The following FBXO33 variants were observed in gnomAD, a reference collection of about 807,000 sequenced individuals.
The protein encoded by FBXO33 is F-box protein 33, also known as F-box only protein 33.
A neutral mutation model predicts 46.3 loss-of-function variants in FBXO33; 22 were observed. The ratio of observed to expected loss-of-function variants is 0.48; its 90% confidence interval spans 0.34 to 0.68. The LOEUF (loss-of-function observed/expected upper bound fraction) is 0.68, where lower values mean the gene tolerates loss of function less well. Ranked by LOEUF, FBXO33 falls within the 30% of genes least tolerant of loss-of-function variation. The probability of loss-of-function intolerance (pLI) is 0.01; values close to 1 mark genes in which losing one functional copy is unlikely to be tolerated. For missense variants in FBXO33, 692 were observed against 708.8 expected, an observed-to-expected ratio of 0.98 and a Z score of 0.27; for synonymous variants, 337 against 291.3, an observed-to-expected ratio of 1.16 and a Z score of -1.60.
chr14:39,411,369 G>A (rs1423423353), intron 1 of FBXO33, among the ~76,000 whole-genome samples: 1 of 152,110 alleles, frequency 6.6e-6, no homozygotes, highest in South Asian at 2.1e-4. Context: ...TGGGCTTACA[G>A]GTGTGAGCCA....
intron 1 of FBXO33, among the ~76,000 whole-genome samples, chr14:39,407,441 T>G (rs2075404198): frequency 6.6e-6 from 1 of 152,240 alleles, no homozygotes; most frequent in South Asian, 2.1e-4. Context: ...ACTCATTGAT[T>G]AACAGTTTTC....
intron 1 of FBXO33, among the ~76,000 whole-genome samples, chr14:39,411,482 T>G (rs1196571670): frequency 6.6e-6 from 1 of 152,002 alleles, no homozygotes; most frequent in Non-Finnish European, 1.5e-5. Flanking sequence ...TGGTAAGTTG[T>G]TTTTTATTTT....
chr14:39,407,452 C>T (rs764763605), intron 1 of FBXO33, among the ~76,000 whole-genome samples: 2 of 152,174 alleles, frequency 1.3e-5, no homozygotes, highest in African/African-American at 2.4e-5. Flanking sequence ...AACAGTTTTC[C>T]ATTTTTCCCT....
chr14:39,416,545 T>C (rs10139591), intron 1 of FBXO33, among the ~76,000 whole-genome samples: 1,646 of 152,266 alleles, frequency 0.011, 5 homozygotes, highest in Non-Finnish European at 0.019. Flanking sequence ...TTTATTTTGC[T>C]CTGCTAATTT....
intron 1 of FBXO33, among the ~76,000 whole-genome samples, chr14:39,425,785 A>G (rs1013152736): frequency 6.6e-6 from 1 of 152,212 alleles, no homozygotes; most frequent in Non-Finnish European, 1.5e-5. Flanking sequence ...GTCACTAGCC[A>G]TATGTGACTA....
intron 1 of FBXO33, among the ~76,000 whole-genome samples, chr14:39,409,089 T>C (rs2075411296): frequency 6.6e-6 from 1 of 152,138 alleles, no homozygotes; most frequent in Non-Finnish European, 1.5e-5. Flanking sequence ...AGAGCTTTTA[T>C]TACGATGTCC....
chr14:39,416,660 C>A (rs2075450213), intron 1 of FBXO33, among the ~76,000 whole-genome samples: 1 of 152,052 alleles, frequency 6.6e-6, no homozygotes, highest in Non-Finnish European at 1.5e-5. Flanking sequence ...TTACTGTATT[C>A]TTCAGCACCA....
chr14:39,430,375 T>C (rs567687723), intron 1 of FBXO33, among the ~76,000 whole-genome samples: 17 of 151,928 alleles, frequency 1.1e-4, no homozygotes, highest in African/African-American at 3.9e-4. Flanking sequence ...GGCGCATACA[T>C]ATATATATAT....
At chr14:39,427,450 G>A (rs1221575039) in intron 1 of FBXO33, among the ~76,000 whole-genome samples, 1 of 152,078 alleles carries the variant, frequency 6.6e-6, no homozygotes, top group Non-Finnish European at 1.5e-5. Context: ...TTCTGTAAAT[G>A]GGCTTTTTAA....
intron 1 of FBXO33, among the ~76,000 whole-genome samples, chr14:39,429,268 A>G (rs2075531443): frequency 6.6e-6 from 1 of 152,250 alleles, no homozygotes; most frequent in African/African-American, 2.4e-5. Flanking sequence ...GCCTGGAAGC[A>G]GAATGCTTAT....
intron 3 of FBXO33, 90 bp from the exon 4 acceptor site, chr14:39,399,877 G>T: frequency 7.5e-7 from 1 of 1,336,988 alleles, no homozygotes; most frequent in Non-Finnish European, 9.9e-7. Flanking sequence ...AAAGCTTCTA[G>T]AGAAGCTTCA....
intron 1 of FBXO33, among the ~76,000 whole-genome samples, chr14:39,424,591 C>G (rs1266738006): frequency 6.6e-6 from 1 of 152,182 alleles, no homozygotes; most frequent in East Asian, 1.9e-4. Context: ...AGGAATCCCT[C>G]TGAAACAACA....
intron 1 of FBXO33, 29 bp from the exon 2 acceptor site, chr14:39,402,540 G>C: frequency 8.8e-6 from 10 of 1,137,220 alleles, no homozygotes; most frequent in East Asian, 2.7e-5. Context: ...AAAATGATTT[G>C]CTAAATAATT....
chr14:39,402,815 TGGGACTACA>T (rs1038737158), intron 1 of FBXO33, among the ~76,000 whole-genome samples: 25 of 151,972 alleles, frequency 1.6e-4, no homozygotes, highest in African/African-American at 6.0e-4. Flanking sequence ...CCCGACTAGC[TGGGACTACA>T]GGCGCCCGCC....
intron 1 of FBXO33, among the ~76,000 whole-genome samples, chr14:39,428,059 G>T (rs1372948139): frequency 6.6e-6 from 1 of 152,186 alleles, no homozygotes; most frequent in Non-Finnish European, 1.5e-5. Flanking sequence ...ATTATTAATA[G>T]ATCCTTTTTA....
At chr14:39,408,708 C>T (rs952628329) in intron 1 of FBXO33, among the ~76,000 whole-genome samples, 3 of 151,184 alleles carry the variant, frequency 2.0e-5, no homozygotes, top group Admixed American at 1.3e-4. Context: ...CAGGTTTCAC[C>T]ATGTTGGCCA....
At position 39,402,521 on chromosome 14, in the gene FBXO33, C is replaced by A. The variant is rs560404026; in HGVS notation, c.600-10G>T. Reference sequence around the variant, plus strand: ...AAACTTCTGAAGGTTCCTACAAGAACAATCATTTAAAATGATTTGCTAAAT... The same window carrying A: ...AAACTTCTGAAGGTTCCTACAAGAAAAATCATTTAAAATGATTTGCTAAAT... On this transcript the variant is annotated splice_polypyrimidine_tract_variant and intron_variant, in intron 1 of 3. Transcript: ENST00000298097. 7 of 1,393,560 alleles carry A rather than the reference C, an allele frequency of 5.0e-6. No homozygotes were observed. The African/African-American group carries it at 1.0e-4, about 21-fold the overall frequency. The allele number at this position is 1,393,560 out of a possible 1,614,324, so 86.3% of individuals were successfully genotyped here.
chr14:39,432,040 C>T lies in FBXO33; in HGVS notation c.123G>A (p.Leu41=), dbSNP rs2075561847. ...CCGGCCGCCCCCGCAGTACCCGGAG[C>T]AGCCCCCGCAGCCGTCGCAGCTGCT... ...RLQQLRRLRG[L]LRVLRGRPGA... Residue 41 remains leucine (L), a synonymous_variant, in exon 1 of 4, where the codon CTG becomes CTA. Transcript: ENST00000298097. The T allele has an allele frequency of 2.3e-6, 3 of 1,292,216 alleles. No individual in the cohort carries two copies. In the African/African-American group the frequency reaches 4.7e-5, roughly 20 times the overall value. The allele number at this position is 1,292,216 out of a possible 1,614,324, so 80.0% of individuals were successfully genotyped here.
intron 1 of FBXO33, among the ~76,000 whole-genome samples, chr14:39,428,170 C>T (rs1302226996): frequency 6.6e-6 from 1 of 152,052 alleles, no homozygotes; most frequent in Non-Finnish European, 1.5e-5. Flanking sequence ...CAATCTTGTA[C>T]AAAATTTCTC....
Sources: allele counts gnomAD v4.1 joint callset (sites outside exome capture counted in the v4.1 genomes callset), GRCh38; gene constraint gnomAD v4.1.1; transcripts MANE v1.5; gene names NCBI Gene and HGNC (gene_info 2026-07-23, HGNC 2026-07-21).